The following FRAS1 variants were observed in gnomAD, a reference collection of about 807,000 sequenced individuals.
FRAS1 encodes extracellular matrix organizing protein FRAS1.
A neutral mutation model predicts 435.2 loss-of-function variants in FRAS1; 290 were observed. The ratio of observed to expected loss-of-function variants is 0.67; its 90% CI spans 0.61 to 0.73. The LOEUF (loss-of-function observed/expected upper bound fraction) is 0.73, where lower values mean the gene tolerates loss of function less well. FRAS1 is among the 30% of genes least tolerant of loss of function. The probability of loss-of-function intolerance (pLI) is 0.00; values close to 1 mark genes in which losing one functional copy is unlikely to be tolerated. For synonymous variants in FRAS1, 1,800 were observed against 1,851.0 expected, an observed-to-expected ratio of 0.97 and a Z score of 0.71; for missense variants, 4,860 against 5,001.5, an observed-to-expected ratio of 0.97 and a Z score of 0.85.
intron 45 of FRAS1, 63 bp from the exon 46 acceptor site, chr4:78,451,709 T>C: frequency 1.4e-6 from 2 of 1,407,250 alleles, no homozygotes; most frequent in Non-Finnish European, 1.9e-6. Context: ...TTCACACCTC[T>C]TGCTTCAGAA....
rs1721779988 is a variant in FRAS1, at chr4:78,533,362, T to C, written c.10926-1087T>C. 2.0e-5 allele frequency among the ~76,000 whole-genome samples: 3 copies of C among 152,090 alleles called. No homozygotes were observed. In the South Asian group the frequency reaches 6.2e-4, roughly 32 times the overall value. ...TAAATGAGCCCTGGGGCACTAGAGA[T>C]CATGGAGTAGAGAGCTGGTCCAGAG... On this transcript the variant is annotated intron_variant, in intron 70 of 73. Transcript: ENST00000512123.
At chr4:78,231,198 A>G (rs1578197655) in intron 2 of FRAS1, among the ~76,000 whole-genome samples, 2 of 151,420 alleles carry the variant, frequency 1.3e-5, no homozygotes, top group Non-Finnish European at 2.9e-5. Flanking sequence ...CTCGTGATTC[A>G]CCCTCCTTGG....
At chr4:78,240,215 TG>T (rs1724942291) in intron 3 of FRAS1, among the ~76,000 whole-genome samples, 1 of 152,188 alleles carries the variant, frequency 6.6e-6, no homozygotes, top group African/African-American at 2.4e-5. Flanking sequence ...AAGGGTGGAA[TG>T]TCTGGCTTTT....
At chr4:78,304,317 C>G (rs1303924241) in intron 14 of FRAS1, among the ~76,000 whole-genome samples, 1 of 152,088 alleles carries the variant, frequency 6.6e-6, no homozygotes, top group East Asian at 1.9e-4. Context: ...CTAAAATTCT[C>G]TTTTTTGGTT....
intron 2 of FRAS1, among the ~76,000 whole-genome samples, chr4:78,202,316 T>G (rs904834284): frequency 6.6e-6 from 1 of 152,196 alleles, no homozygotes; most frequent in Non-Finnish European, 1.5e-5. Flanking sequence ...TTAAGCCCAC[T>G]CTCTGGATGG....
intron 29 of FRAS1, among the ~76,000 whole-genome samples, chr4:78,396,815 T>G (rs779295653): frequency 6.6e-6 from 1 of 152,228 alleles, no homozygotes; most frequent in Non-Finnish European, 1.5e-5. Flanking sequence ...AGTGTTCTAT[T>G]GAATTTTTCA....
At chr4:78,416,319 G>T (rs966952763) in intron 32 of FRAS1, among the ~76,000 whole-genome samples, 6 of 152,014 alleles carry the variant, frequency 3.9e-5, no homozygotes, top group Non-Finnish European at 7.4e-5. Context: ...GAGAAAGGGG[G>T]AGTTGTTCAA....
chr4:78,372,416 G>A (rs1436902197), intron 23 of FRAS1, among the ~76,000 whole-genome samples: 1 of 152,176 alleles, frequency 6.6e-6, no homozygotes, highest in African/African-American at 2.4e-5. Context: ...ATATGGCACA[G>A]GGATAAAGAA....
At chr4:78,322,683 A>T (rs1729557922) in intron 18 of FRAS1, among the ~76,000 whole-genome samples, 4 of 152,198 alleles carry the variant, frequency 2.6e-5, no homozygotes, top group African/African-American at 9.7e-5. Context: ...ACAATACTAC[A>T]GATATTTAAC....
chr4:78,235,420 G>A (rs1184194855), intron 2 of FRAS1, among the ~76,000 whole-genome samples: 1 of 152,174 alleles, frequency 6.6e-6, no homozygotes, highest in Non-Finnish European at 1.5e-5. Context: ...TCAGGAGCTT[G>A]GAAACTTATC....
chr4:78,258,326 G>A (rs111477854), intron 6 of FRAS1, among the ~76,000 whole-genome samples: 1,536 of 138,022 alleles, frequency 0.011, 17 homozygotes, highest in African/African-American at 0.039. Flanking sequence ...GGGTGGCAGA[G>A]CAAGACCTGT....
At chr4:78,153,462 C>T (rs1720759217) in intron 2 of FRAS1, among the ~76,000 whole-genome samples, 1 of 152,272 alleles carries the variant, frequency 6.6e-6, no homozygotes, top group Admixed American at 6.5e-5. Context: ...ACACTAAATT[C>T]TTATTTGATG....
chr4:78,421,619 T>A (rs541712734), intron 33 of FRAS1, among the ~76,000 whole-genome samples: 1 of 152,338 alleles, frequency 6.6e-6, no homozygotes, highest in African/African-American at 2.4e-5. Context: ...ATCAAGTTGA[T>A]AGTCAGTATT....
At chr4:78,516,278 G>A (rs79359736) in intron 66 of FRAS1, among the ~76,000 whole-genome samples, 21,236 of 152,146 alleles carry the variant, frequency 0.14, 1,785 homozygotes, top group Non-Finnish European at 0.2. Context: ...ACTTCTCTAG[G>A]CATATATGTT....
At chr4:78,247,618 G>T (rs1478074531) in intron 4 of FRAS1, among the ~76,000 whole-genome samples, 1 of 152,084 alleles carries the variant, frequency 6.6e-6, no homozygotes, top group Non-Finnish European at 1.5e-5. Flanking sequence ...GTCTGGTCTG[G>T]TCTGGGTCTC....
chr4:78,218,514 G>A (rs1328715073), intron 2 of FRAS1, among the ~76,000 whole-genome samples: 1 of 152,160 alleles, frequency 6.6e-6, no homozygotes, highest in East Asian at 1.9e-4. Context: ...ATCATCAAGT[G>A]CATACTGTTT....
At position 78,541,037 on chromosome 4, in the gene FRAS1, G is replaced by A. The variant is rs368258892; in HGVS notation, c.11952G>A (p.Ala3984=). The A allele has an allele frequency of 2.1e-5, 32 of 1,492,048 alleles. No homozygotes were observed. Among genetic ancestry groups the A allele is most frequent in the South Asian group, 5.9e-5 (4 of 67,858 alleles). 92.4% of individuals were successfully genotyped at this position (1,492,048 alleles called of 1,614,324 possible). ...RNVNILSEPE[A]AYTFKGAKVK... ...TCAACATCCTGAGTGAGCCTGAGGC[G>A]GCTTACACGTTCAAAGGTGCTAAAG... Residue 3984 remains alanine (A), a synonymous_variant, in exon 74 of 74, where the codon GCG becomes GCA. Coordinates refer to ENST00000512123, the MANE Select transcript of FRAS1 (RefSeq NM_025074.7).
chr4:78,119,557 A>G (rs886908451), intron 2 of FRAS1, among the ~76,000 whole-genome samples: 1 of 152,200 alleles, frequency 6.6e-6, no homozygotes, highest in Non-Finnish European at 1.5e-5. Flanking sequence ...TCCATGGTCT[A>G]TAGATATCAC....
intron 59 of FRAS1, among the ~76,000 whole-genome samples, chr4:78,492,788 A>G (rs1291849629): frequency 1.3e-5 from 2 of 152,266 alleles, no homozygotes; most frequent in South Asian, 4.1e-4. Flanking sequence ...AATGGCAACG[A>G]AAGCCAAAAT....
Sources: gnomAD v4.1 joint callset for allele counts (sites outside exome capture counted in the v4.1 genomes callset) on GRCh38, gnomAD v4.1.1 for gene constraint, MANE v1.5 for transcripts, NCBI Gene and HGNC (gene_info 2026-07-23, HGNC 2026-07-21) for gene names.